IL1R1: variants seen among roughly 807,000 people sequenced by gnomAD.
IL1R1 encodes interleukin 1 receptor type 1, also known as interleukin-1 receptor type 1.
In IL1R1, 22 loss-of-function variants were observed where a neutral mutation model predicts 50.2. The ratio of observed to expected loss-of-function variants is 0.44; its 90% CI spans 0.31 to 0.63. The LOEUF is 0.63. IL1R1 is among the 20% of genes least tolerant of loss of function. The pLI, the probability that IL1R1 is intolerant of heterozygous loss-of-function variation, is 0.07. For missense variants in IL1R1, 509 were observed against 676.2 expected, an observed-to-expected ratio of 0.75 and a Z score of 2.74; for synonymous variants, 251 against 236.7, an observed-to-expected ratio of 1.06 and a Z score of -0.55.
intron 1 of IL1R1, among the ~76,000 whole-genome samples, chr2:102,145,623 G>A (rs1401297764): frequency 6.6e-6 from 1 of 152,212 alleles, no homozygotes; most frequent in East Asian, 1.9e-4. Flanking sequence ...AGGAAAACAA[G>A]AGCGGAGATG....
chr2:102,132,320 G>A (rs990803986), intron 1 of IL1R1, among the ~76,000 whole-genome samples: 3 of 151,962 alleles, frequency 2.0e-5, no homozygotes, highest in African/African-American at 4.8e-5. Flanking sequence ...TAATAATGAT[G>A]TAGTGTGAGG....
chr2:102,140,876 G>A (rs552343314), upstream of IL1R1, among the ~76,000 whole-genome samples: 9 of 152,292 alleles, frequency 5.9e-5, no homozygotes, highest in South Asian at 1.5e-3. Flanking sequence ...TGTGTTGGGC[G>A]GGTGTTTGAG....
chr2:102,159,460 T>C (rs1227315365), intron 3 of IL1R1, among the ~76,000 whole-genome samples: 1 of 152,204 alleles, frequency 6.6e-6, no homozygotes, highest in Non-Finnish European at 1.5e-5. Flanking sequence ...AATGAGAGCC[T>C]GGTGCCTTCT....
chr2:102,175,322 T>G (rs1397571617), intron 10 of IL1R1, among the ~76,000 whole-genome samples, 156 bp from the exon 11 acceptor site: 1 of 152,158 alleles, frequency 6.6e-6, no homozygotes, highest in African/African-American at 2.4e-5. Context: ...ATGAACACTT[T>G]TTAAAGGGAT....
chr2:102,075,698 G>A lies in IL1R1; in HGVS notation c.-84+5165G>A, dbSNP rs74441685. Among the ~76,000 whole-genome samples the A allele has an allele frequency of 9.2e-3, 1,405 of 152,328 alleles. 22 individuals are homozygous for A. The highest frequency in any genetic ancestry group is 0.032 in the African/African-American group (1,317 of 41,560). ...TGCACTTCCTAGAAATGTCGAGGAAGCCTAGATGACAGAAGTTAATTTCTT... is the reference window on the plus strand; with the variant it reads ...TGCACTTCCTAGAAATGTCGAGGAAACCTAGATGACAGAAGTTAATTTCTT... On this transcript the variant is annotated intron_variant, in intron 1 of 11. Transcript: ENST00000409929.
intron 1 of IL1R1, among the ~76,000 whole-genome samples, chr2:102,109,085 T>C (rs925320717): frequency 6.6e-6 from 1 of 152,094 alleles, no homozygotes; most frequent in Non-Finnish European, 1.5e-5. Flanking sequence ...TTTTGCAGAT[T>C]AAGAAACGGA....
chr2:102,125,460 G>A, intron 1 of IL1R1, among the ~76,000 whole-genome samples: 1 of 152,180 alleles, frequency 6.6e-6, no homozygotes, highest in East Asian at 1.9e-4. Context: ...GGGAAGTGAA[G>A]GGGAGAGTTT....
intron 1 of IL1R1, among the ~76,000 whole-genome samples, chr2:102,087,847 T>C (rs940390010): frequency 1.3e-5 from 2 of 152,228 alleles, no homozygotes; most frequent in Non-Finnish European, 2.9e-5. Context: ...TATACCCATG[T>C]TGTCATTTCA....
chr2:102,176,826 C>T lies in IL1R1; in HGVS notation c.*67C>T. The stretch of plus-strand genomic sequence containing the variant: ...TATGGCGTTGCAGGCCAGGTTATGC[C>T]TCATGCTGACTTGCAGAGTTCATGG... On this transcript the variant is annotated 3_prime_UTR_variant, in exon 12 of 12. Coordinates refer to ENST00000410023, the MANE Select transcript of IL1R1 (RefSeq NM_000877.4). 1 of 1,415,052 alleles carries T rather than the reference C, an allele frequency of 7.1e-7. No homozygotes were observed. The highest frequency in any genetic ancestry group is 9.8e-7 in the Non-Finnish European group (1 of 1,018,926). 87.7% of individuals were successfully genotyped at this position (1,415,052 alleles called of 1,614,324 possible).
chr2:102,094,318 T>C lies in IL1R1; in HGVS notation c.-84+23785T>C, dbSNP rs532737678. 7.9e-5 allele frequency among the ~76,000 whole-genome samples: 12 copies of C among 152,354 alleles called. No individual in the cohort carries two copies. The East Asian group carries it at 2.3e-3, about 29-fold the overall frequency. On this transcript the variant is annotated intron_variant, in intron 1 of 11. Coordinates refer to the IL1R1 transcript ENST00000409929. ...CATGATTAATACCAATTGAAGCATTTACAGAATGCTATTTAGGCCCAATAG... is the reference window on the plus strand; with the variant it reads ...CATGATTAATACCAATTGAAGCATTCACAGAATGCTATTTAGGCCCAATAG...
At chr2:102,092,412 A>C (rs1679711670) in intron 1 of IL1R1, among the ~76,000 whole-genome samples, 1 of 152,120 alleles carries the variant, frequency 6.6e-6, no homozygotes, top group African/African-American at 2.4e-5. Context: ...ATGTTTGTCC[A>C]ATCATTGTAG....
At chr2:102,136,346 G>A (rs1420447601) in intron 1 of IL1R1, among the ~76,000 whole-genome samples, 1 of 148,692 alleles carries the variant, frequency 6.7e-6, no homozygotes, top group Non-Finnish European at 1.5e-5. Context: ...AGCTCCCATT[G>A]TCCCTCAGGG....
At chr2:102,164,716 A>G (rs1685022799) in intron 3 of IL1R1, 58 bp from the exon 4 acceptor site, 1 of 1,125,762 alleles carries the variant, frequency 8.9e-7, no homozygotes, top group African/African-American at 1.6e-5. Flanking sequence ...TAGATATTAA[A>G]TCAAGACACA....
At chr2:102,100,814 T>C (rs1024575962), upstream of IL1R1, among the ~76,000 whole-genome samples, 6 of 152,150 alleles carry the variant, frequency 3.9e-5, no homozygotes, top group Admixed American at 2.0e-4. Flanking sequence ...GGGATGGCAT[T>C]CTCCCCGGAG....
chr2:102,159,682 C>A (rs1684525641), intron 3 of IL1R1, among the ~76,000 whole-genome samples: 1 of 152,178 alleles, frequency 6.6e-6, no homozygotes, highest in African/African-American at 2.4e-5. Context: ...AGGTCAATAA[C>A]ACCACCACCC....
chr2:102,086,624 T>A lies in IL1R1; in HGVS notation c.-84+16091T>A, dbSNP rs149973406. Reference sequence around the variant, plus strand: ...TTCAACAGACTTTTTTTCTTTGTGATCTTTCAACTGTGTAAAAAACTCACT... The same window carrying A: ...TTCAACAGACTTTTTTTCTTTGTGAACTTTCAACTGTGTAAAAAACTCACT... On this transcript the variant is annotated intron_variant, in intron 1 of 11. Coordinates refer to the IL1R1 transcript ENST00000409929. 3.3e-5 allele frequency among the ~76,000 whole-genome samples: 5 copies of A among 152,222 alleles called. No individual in the cohort carries two copies. The East Asian group carries it at 9.6e-4, about 29-fold the overall frequency.
chr2:102,163,433 G>C (rs1010259895), intron 3 of IL1R1, among the ~76,000 whole-genome samples: 1 of 151,914 alleles, frequency 6.6e-6, no homozygotes, highest in African/African-American at 2.4e-5. Context: ...CTTAATTTTG[G>C]ATAATTTCTA....
Position 102,171,861 on chromosome 2 carries a change from A to G in IL1R1, c.782A>G (p.Lys261Arg). ...CAGTTGAGTGACATTGCTTACTGGA[A>G]GTGGAATGGGTCAGTAATTGATGAA... ...TGQLSDIAYW[K>R]WNGSVIDEDD... Residue 261 changes from lysine (K) to arginine (R), a missense_variant, in exon 8 of 12, where the codon AAG (lysine) becomes AGG (arginine). Coordinates refer to ENST00000410023, the MANE Select transcript of IL1R1 (RefSeq NM_000877.4). The G allele has an allele frequency of 1.9e-6, 3 of 1,610,604 alleles. No homozygotes were observed. Among genetic ancestry groups the G allele is most frequent in the Non-Finnish European group, 1.7e-6 (2 of 1,177,386 alleles).
At chr2:102,107,299 A>C (rs1215487931) in intron 1 of IL1R1, among the ~76,000 whole-genome samples, 1 of 152,184 alleles carries the variant, frequency 6.6e-6, no homozygotes. Context: ...ACACCATGGA[A>C]TACTATGCAG....
Sources: gnomAD v4.1 joint callset for allele counts (sites outside exome capture counted in the v4.1 genomes callset) on GRCh38, gnomAD v4.1.1 for gene constraint, MANE v1.5 for transcripts, NCBI Gene and HGNC (gene_info 2026-07-23, HGNC 2026-07-21) for gene names.